MGAT4C: variants seen among roughly 807,000 people sequenced by gnomAD.
The protein encoded by MGAT4C is alpha-1,3-mannosyl-glycoprotein 4-beta-N-acetylglucosaminyltransferase C.
MGAT4C carries 19 observed loss-of-function variants against 40.1 expected under a neutral mutation model. The observed-to-expected ratio is 0.47, with a 90% CI of 0.33 to 0.70. MGAT4C has a LOEUF of 0.70. Among genes scored for constraint, MGAT4C ranks in the 30% least tolerant of loss-of-function variants. The pLI is 0.02. For synonymous variants in MGAT4C, 181 were observed against 187.1 expected, an observed-to-expected ratio of 0.97 and a Z score of 0.27; for missense variants, 491 against 563.2, an observed-to-expected ratio of 0.87 and a Z score of 1.30.
chr12:86,357,890 G>A (rs1955354307), intron 3 of MGAT4C, among the ~76,000 whole-genome samples: 1 of 152,178 alleles, frequency 6.6e-6, no homozygotes, highest in Non-Finnish European at 1.5e-5. Flanking sequence ...ATGGAACCAA[G>A]TTGGAAAATA....
chr12:86,728,760 T>A (rs1309542358), intron 1 of MGAT4C, among the ~76,000 whole-genome samples: 1 of 152,224 alleles, frequency 6.6e-6, no homozygotes, highest in Non-Finnish European at 1.5e-5. Context: ...GCCACACTTT[T>A]TTCTCCGTAC....
At chr12:86,611,516 G>T (rs1463435796) in intron 2 of MGAT4C, among the ~76,000 whole-genome samples, 2 of 149,360 alleles carry the variant, frequency 1.3e-5, no homozygotes, top group Non-Finnish European at 3.0e-5. Flanking sequence ...TTGTATGGCA[G>T]TTCCTCTGGA....
rs555118108 is a variant in MGAT4C at position 86,681,799 on chromosome 12, A to G, written c.-229+45410T>C. Among the ~76,000 whole-genome samples, 3 of 152,196 alleles carry G rather than the reference A, an allele frequency of 2.0e-5. No homozygotes were observed. In the East Asian group the frequency reaches 5.8e-4, roughly 29 times the overall value. On this transcript the variant is annotated intron_variant, in intron 2 of 7. Transcript: ENST00000548651. ...TCACAAGGTTAACATAAGCTCAAAC[A>G]TGAAATATCTATTCCCCATTAGATT...
chr12:86,721,640 G>C (rs139870788), intron 2 of MGAT4C, among the ~76,000 whole-genome samples: 2 of 152,210 alleles, frequency 1.3e-5, no homozygotes, highest in African/African-American at 4.8e-5. Flanking sequence ...GTGAGGAGGA[G>C]GAAAACACTT....
intron 2 of MGAT4C, among the ~76,000 whole-genome samples, chr12:86,537,238 G>T (rs1959089075): frequency 6.6e-6 from 1 of 151,946 alleles, no homozygotes; most frequent in African/African-American, 2.4e-5. Context: ...TGGGGAGAGG[G>T]GAGGGATAGC....
chr12:86,172,215 A>C (rs1166889844), intron 1 of MGAT4C, among the ~76,000 whole-genome samples: 1 of 152,152 alleles, frequency 6.6e-6, no homozygotes, highest in East Asian at 1.9e-4. Flanking sequence ...CATAATAATT[A>C]TTATTTTACT....
At chr12:86,276,320 G>T (rs916524201) in intron 4 of MGAT4C, among the ~76,000 whole-genome samples, 1 of 151,972 alleles carries the variant, frequency 6.6e-6, no homozygotes, top group Admixed American at 6.6e-5. Flanking sequence ...ATTTAACGAG[G>T]TACATGAGAT....
chr12:86,397,832 G>A (rs1020033672), intron 3 of MGAT4C, among the ~76,000 whole-genome samples: 11 of 152,138 alleles, frequency 7.2e-5, no homozygotes, highest in African/African-American at 2.7e-4. Context: ...GTATGGTGGA[G>A]CGTGCCCGTA....
intron 4 of MGAT4C, among the ~76,000 whole-genome samples, chr12:86,291,344 T>C (rs890716511): frequency 3.3e-5 from 5 of 152,204 alleles, no homozygotes; most frequent in East Asian, 1.9e-4. Flanking sequence ...TTCTGTAAGC[T>C]GGACAGCCAA....
intron 2 of MGAT4C, among the ~76,000 whole-genome samples, chr12:86,565,378 A>G (rs186304690): frequency 6.6e-6 from 1 of 152,302 alleles, no homozygotes; most frequent in East Asian, 1.9e-4. Flanking sequence ...CAGAGGAAGG[A>G]AAGACTAGGG....
chr12:86,496,787 C>T (rs1469259341), intron 2 of MGAT4C, among the ~76,000 whole-genome samples: 4 of 151,900 alleles, frequency 2.6e-5, no homozygotes, highest in Non-Finnish European at 4.4e-5. Context: ...TTTTATAAAA[C>T]GTTCATCACT....
intron 2 of MGAT4C, among the ~76,000 whole-genome samples, chr12:86,609,611 T>A (rs1962173254): frequency 6.6e-6 from 1 of 152,078 alleles, no homozygotes; most frequent in Admixed American, 6.6e-5. Context: ...GTACTTGGGC[T>A]AAAAATATTA....
intron 2 of MGAT4C, among the ~76,000 whole-genome samples, chr12:86,716,398 G>A (rs143182760): frequency 0.032 from 4,832 of 151,962 alleles, 126 homozygotes; most frequent in South Asian, 0.071. Flanking sequence ...ATTCCTTTTG[G>A]TGGTGTTCAT....
chr12:86,506,497 C>T (rs1466045357), intron 2 of MGAT4C, among the ~76,000 whole-genome samples: 1 of 152,138 alleles, frequency 6.6e-6, no homozygotes, highest in African/African-American at 2.4e-5. Flanking sequence ...TTAAAATTTA[C>T]AGCATTTCAC....
At chr12:86,804,243 A>G (rs978605050) in intron 1 of MGAT4C, among the ~76,000 whole-genome samples, 1 of 135,582 alleles carries the variant, frequency 7.4e-6, no homozygotes, top group Non-Finnish European at 1.6e-5. Context: ...AGGAAGGGGA[A>G]TATCACACTC....
intron 4 of MGAT4C, among the ~76,000 whole-genome samples, chr12:85,982,706 C>T (rs1565811557): frequency 6.6e-6 from 1 of 151,990 alleles, no homozygotes; most frequent in African/African-American, 2.4e-5. Flanking sequence ...GAATAGTTTC[C>T]TCCAAAAATT....
chr12:86,349,624 G>A (rs1295437371), intron 3 of MGAT4C, among the ~76,000 whole-genome samples: 6 of 152,074 alleles, frequency 3.9e-5, no homozygotes, highest in Admixed American at 6.6e-5. Context: ...CACTTTATCA[G>A]TGCATTTAGA....
At chr12:86,362,082 A>G (rs1297535199) in intron 3 of MGAT4C, among the ~76,000 whole-genome samples, 1 of 152,258 alleles carries the variant, frequency 6.6e-6, no homozygotes, top group Non-Finnish European at 1.5e-5. Context: ...ACTTGGAACC[A>G]ACCCAAATGT....
In MGAT4C at chr12:86,340,268, TAATC is replaced by T. The variant is rs1262267790; in HGVS notation, c.-119-6145_-119-6142del. ...ATCCACAATGTCTGACACTCAGAAA[TAATC>T]AAGTAAAAGGGAAGTCAAGGCTTGA... On this transcript the variant is annotated intron_variant, in intron 3 of 7. Coordinates refer to the MGAT4C transcript ENST00000548651. Among the ~76,000 whole-genome samples, 5 of 152,048 alleles carry T rather than the reference TAATC, an allele frequency of 3.3e-5. No homozygotes were observed. The East Asian group carries it at 9.8e-4, about 30-fold the overall frequency.
Sources: allele counts gnomAD v4.1 joint callset (sites outside exome capture counted in the v4.1 genomes callset), GRCh38; gene constraint gnomAD v4.1.1; transcripts MANE v1.5; gene names NCBI Gene and HGNC (gene_info 2026-07-23, HGNC 2026-07-21).